RAPGEF4: variants seen among roughly 807,000 people sequenced by gnomAD.
RAPGEF4 encodes the protein Rap guanine nucleotide exchange factor 4.
A neutral mutation model predicts 147.9 loss-of-function variants in RAPGEF4; 66 were observed. That is an observed-to-expected ratio of 0.45 (90% CI 0.37 to 0.55). The LOEUF (loss-of-function observed/expected upper bound fraction) is 0.55. RAPGEF4 is among the 20% of genes least tolerant of loss of function. The probability of loss-of-function intolerance (pLI) is 0.00; values close to 1 mark genes in which losing one functional copy is unlikely to be tolerated. For synonymous variants in RAPGEF4, 419 were observed against 442.7 expected (o/e 0.95, Z 0.67); for missense variants, 1,071 against 1,257.3 (o/e 0.85, Z 2.24).
chr2:172,905,808 G>A lies in RAPGEF4; in HGVS notation c.445-11994G>A, dbSNP rs114962729. On this transcript the variant is annotated intron_variant, in intron 4 of 30. Coordinates refer to ENST00000397081, the MANE Select transcript of RAPGEF4 (RefSeq NM_007023.4). ...TAAAAGGGCCAAAGGATGTAATTAG[G>A]TATCACTGAAAGGGCTTCGAACTTA... 1.4e-3 allele frequency among the ~76,000 whole-genome samples: 212 copies of A among 152,314 alleles called. 1 individual carries two copies. The highest frequency in any genetic ancestry group is 6.8e-3 in the Middle Eastern group (2 of 294).
chr2:172,943,983 T>C (rs1687426391), intron 6 of RAPGEF4, among the ~76,000 whole-genome samples: 1 of 152,160 alleles, frequency 6.6e-6, no homozygotes, highest in Admixed American at 6.5e-5. Flanking sequence ...TAATAATAGA[T>C]CAATTATTTA....
Position 172,917,793 on chromosome 2 carries a change from G to A in RAPGEF4, c.445-9G>A. The stretch of plus-strand genomic sequence containing the variant: ...ATCTGTGTGTTGAGTTTACAATCTT[G>A]TCTTTCAGAAATATCGACAGTATAT... On this transcript the variant is annotated splice_polypyrimidine_tract_variant and intron_variant, in intron 4 of 30. Coordinates refer to ENST00000397081, the MANE Select transcript of RAPGEF4 (RefSeq NM_007023.4). 1 of 1,608,582 alleles carries A rather than the reference G, an allele frequency of 6.2e-7. No homozygotes were observed. Among genetic ancestry groups the A allele is most frequent in the South Asian group, 1.1e-5 (1 of 90,908 alleles).
chr2:172,965,802 C>A, intron 9 of RAPGEF4, 119 bp downstream of exon 9: 3 of 1,255,082 alleles, frequency 2.4e-6, no homozygotes, highest in African/African-American at 3.0e-5. Context: ...TAGGGACCTG[C>A]AGAGCTAGCA....
chr2:172,822,018 G>T (rs1251779747), intron 4 of RAPGEF4: 1 of 1,602,240 alleles, frequency 6.2e-7, no homozygotes, highest in Non-Finnish European at 8.5e-7. Context: ...GGGTGGGAGA[G>T]TGGGGAAATA....
upstream of RAPGEF4, chr2:172,735,757 G>C: frequency 5.4e-6 from 1 of 186,530 alleles, no homozygotes; most frequent in Non-Finnish European, 1.1e-5. Flanking sequence ...GCGGGCGGGC[G>C]ACTCGGCCCT....
chr2:172,992,239 A>G (rs1236824043), intron 15 of RAPGEF4, among the ~76,000 whole-genome samples: 1 of 152,224 alleles, frequency 6.6e-6, no homozygotes, highest in Non-Finnish European at 1.5e-5. Flanking sequence ...AAATTACCAT[A>G]GAAATTTCCT....
chr2:172,861,590 C>T (rs1051485558), intron 4 of RAPGEF4, among the ~76,000 whole-genome samples: 2 of 152,174 alleles, frequency 1.3e-5, no homozygotes, highest in East Asian at 1.9e-4. Flanking sequence ...AAGAATAAAC[C>T]TTGACCAAAC....
intron 6 of RAPGEF4, among the ~76,000 whole-genome samples, chr2:172,932,729 G>C (rs768472691): frequency 1.8e-4 from 28 of 152,114 alleles, no homozygotes; most frequent in Non-Finnish European, 3.7e-4. Context: ...GCTGCCCAGG[G>C]TTAGTATGGC....
intron 4 of RAPGEF4, among the ~76,000 whole-genome samples, chr2:172,853,421 A>T (rs1476546976): frequency 1.3e-5 from 2 of 151,944 alleles, no homozygotes; most frequent in Non-Finnish European, 2.9e-5. Flanking sequence ...ATTGACATAG[A>T]GTTGTTTATT....
At chr2:172,817,614 GT>G (rs1688629972) in intron 4 of RAPGEF4, among the ~76,000 whole-genome samples, 1 of 151,660 alleles carries the variant, frequency 6.6e-6, no homozygotes, top group Admixed American at 6.6e-5. Context: ...AACAGTAAGA[GT>G]GCAGAAAGAA....
At chr2:172,791,113 G>A (rs1055096640) in intron 1 of RAPGEF4, among the ~76,000 whole-genome samples, 12 of 152,156 alleles carry the variant, frequency 7.9e-5, no homozygotes, top group African/African-American at 2.7e-4. Context: ...CTGCATGAAG[G>A]CAGAGCCCTC....
intron 6 of RAPGEF4, among the ~76,000 whole-genome samples, chr2:172,955,534 G>A (rs376623844): frequency 2.0e-5 from 3 of 152,170 alleles, no homozygotes; most frequent in East Asian, 1.9e-4. Flanking sequence ...GGATCACATT[G>A]TCACAGCCCC....
intron 6 of RAPGEF4, among the ~76,000 whole-genome samples, chr2:172,950,156 C>A (rs1276784852): frequency 6.6e-6 from 1 of 152,170 alleles, no homozygotes; most frequent in Non-Finnish European, 1.5e-5. Flanking sequence ...CTTTAGAAAT[C>A]TGGCCTTCCT....
At position 173,048,601 on chromosome 2, in the gene RAPGEF4, G is replaced by A. The variant is rs200990002; in HGVS notation, c.2855G>A (p.Arg952His). Residue 952 changes from arginine (R) to histidine (H), a missense_variant and splice_region_variant, in exon 30 of 31, where the codon CGC (arginine) becomes CAC (histidine). Coordinates refer to ENST00000397081, the MANE Select transcript of RAPGEF4 (RefSeq NM_007023.4). ...IDNLVNFEKM[R>H]MIANTARTVR... Reference sequence around the variant, plus strand: ...TTCTTTTTTCTATATTCCTTTTAGCGCATGATTGCAAATACGGCCAGAACA... The same window carrying A: ...TTCTTTTTTCTATATTCCTTTTAGCACATGATTGCAAATACGGCCAGAACA... 3.8e-4 allele frequency: 613 copies of A among 1,613,610 alleles called. 1 individual carries two copies. The highest frequency in any genetic ancestry group is 2.1e-4 in the Non-Finnish European group (247 of 1,179,908).
At chr2:172,807,825 T>C (rs1391236644) in intron 3 of RAPGEF4, among the ~76,000 whole-genome samples, 1 of 152,214 alleles carries the variant, frequency 6.6e-6, no homozygotes, top group African/African-American at 2.4e-5. Context: ...TATTTTTCCC[T>C]TGGTGTTAAC....
chr2:172,778,213 T>G (rs79099804), intron 1 of RAPGEF4, among the ~76,000 whole-genome samples: 2,705 of 152,290 alleles, frequency 0.018, 98 homozygotes, highest in African/African-American at 0.062. Context: ...AAGTGATGCC[T>G]ACCTTGATTT....
At chr2:172,908,204 AAAATTTATGC>A (rs1283301957) in intron 4 of RAPGEF4, among the ~76,000 whole-genome samples, 1 of 152,250 alleles carries the variant, frequency 6.6e-6, no homozygotes, top group Non-Finnish European at 1.5e-5. Flanking sequence ...TTTAATCTTT[AAAATTTATGC>A]AAATTTAGCT....
At chr2:172,853,710 T>A (rs1693112378) in intron 4 of RAPGEF4, among the ~76,000 whole-genome samples, 1 of 152,014 alleles carries the variant, frequency 6.6e-6, no homozygotes, top group Non-Finnish European at 1.5e-5. Flanking sequence ...CTTTGTTTTC[T>A]ACAAATTTTG....
chr2:172,924,346 G>A (rs1317910215), intron 6 of RAPGEF4, among the ~76,000 whole-genome samples: 1 of 152,190 alleles, frequency 6.6e-6, no homozygotes, highest in African/African-American at 2.4e-5. Context: ...CTCACTTTGT[G>A]ACAAAATAGG....
Sources: gnomAD v4.1 joint callset for allele counts (sites outside exome capture counted in the v4.1 genomes callset) on GRCh38, gnomAD v4.1.1 for gene constraint, MANE v1.5 for transcripts, NCBI Gene and HGNC (gene_info 2026-07-23, HGNC 2026-07-21) for gene names.